SPSB1: variants seen among roughly 807,000 people sequenced by gnomAD.
SPSB1 encodes splA/ryanodine receptor domain and SOCS box containing 1.
In SPSB1, 8 loss-of-function variants were observed where a neutral mutation model predicts 21.2. That is an observed-to-expected ratio of 0.38 (90% CI 0.22 to 0.68). The LOEUF is 0.68. SPSB1 is among the 30% of genes least tolerant of loss of function. The probability of loss-of-function intolerance (pLI) is 0.53; values close to 1 mark genes in which losing one functional copy is unlikely to be tolerated. For synonymous variants in SPSB1, 169 were observed against 161.7 expected (o/e 1.05, Z -0.34); for missense variants, 242 against 377.8 (o/e 0.64, Z 2.98).
chr1:9,352,747 C>G (rs1039923221), intron 1 of SPSB1, among the ~76,000 whole-genome samples: 1 of 151,822 alleles, frequency 6.6e-6, no homozygotes, highest in Non-Finnish European at 1.5e-5. Flanking sequence ...GCCTCTTCCC[C>G]CCTCAACCTC....
chr1:9,367,316 C>T lies in SPSB1; in HGVS notation c.695-132C>T, dbSNP rs1415772619. On this transcript the variant is annotated intron_variant, in intron 2 of 2. Transcript: ENST00000328089. This position sits in a 1 kb window ranked among gnomAD's most constrained non-coding sequence, Gnocchi z 5.9. The stretch of plus-strand genomic sequence containing the variant: ...ACATGCTAAATTTAAAATGAAAAAG[C>T]ATTGCATTTTTCATTGTTTCTTTAC... The T allele has an allele frequency of 1.4e-5, 21 of 1,509,864 alleles. No homozygotes were observed. The highest frequency in any genetic ancestry group is 1.2e-4 in the South Asian group (10 of 86,916). The allele number at this position is 1,509,864 out of a possible 1,614,324, so 93.5% of individuals were successfully genotyped here. A position where few individuals can be genotyped will look rare whatever the true frequency, so the allele number is the denominator to read the frequency against.
At chr1:9,347,934 T>C (rs1402205004) in intron 1 of SPSB1, among the ~76,000 whole-genome samples, 1 of 143,182 alleles carries the variant, frequency 7.0e-6, no homozygotes, top group Non-Finnish European at 1.5e-5. Flanking sequence ...CTTTGCAGTT[T>C]CCCTGCAACT....
chr1:9,324,831 T>G lies in SPSB1; in HGVS notation c.-149-30912T>G, dbSNP rs781661166. Among the ~76,000 whole-genome samples the G allele has an allele frequency of 1.3e-5, 2 of 152,208 alleles. No individual in the cohort carries two copies. The highest frequency in any genetic ancestry group is 1.3e-4 in the Admixed American group (2 of 15,286). The stretch of plus-strand genomic sequence containing the variant: ...CAACACTGGGCCAGACAGTCGTGTT[T>G]GCGACAAGTCTGTTCGCCTGGCCGT... On this transcript the variant is annotated intron_variant, in intron 1 of 2. Coordinates refer to ENST00000328089, the MANE Select transcript of SPSB1 (RefSeq NM_025106.4). This position sits in a 1 kb window ranked among gnomAD's most constrained non-coding sequence, Gnocchi z 4.3.
chr1:9,353,188 A>G (rs561999743), intron 1 of SPSB1, among the ~76,000 whole-genome samples: 1 of 151,598 alleles, frequency 6.6e-6, no homozygotes, highest in African/African-American at 2.4e-5. Context: ...GAGCCGCCTC[A>G]GCCCGCCCGG....
chr1:9,354,038 G>A (rs1328969689), intron 1 of SPSB1, among the ~76,000 whole-genome samples: 1 of 152,190 alleles, frequency 6.6e-6, no homozygotes, highest in East Asian at 1.9e-4. Flanking sequence ...GGTTCTGCCA[G>A]GACCAAACTT....
intron 1 of SPSB1, among the ~76,000 whole-genome samples, chr1:9,342,429 C>T (rs372326853): frequency 7.9e-5 from 12 of 152,226 alleles, no homozygotes; most frequent in East Asian, 1.9e-4. Flanking sequence ...CAGCGTCAAC[C>T]GTGGGAGAGC....
chr1:9,310,441 C>T (rs1639498304), intron 1 of SPSB1, among the ~76,000 whole-genome samples: 1 of 152,128 alleles, frequency 6.6e-6, no homozygotes, highest in Admixed American at 6.6e-5. Context: ...GCCTGTAATC[C>T]CAGCACTTTG....
At chr1:9,338,123 C>A (rs1384129406) in intron 1 of SPSB1, among the ~76,000 whole-genome samples, 1 of 152,228 alleles carries the variant, frequency 6.6e-6, no homozygotes, top group Non-Finnish European at 1.5e-5. Flanking sequence ...TCTCTCCCTG[C>A]AGGTCCCCTG....
chr1:9,341,250 A>G (rs1640087116), intron 1 of SPSB1, among the ~76,000 whole-genome samples: 1 of 152,188 alleles, frequency 6.6e-6, no homozygotes. Flanking sequence ...ACTCCCCACC[A>G]GGGCACTGCA....
chr1:9,357,877 C>T (rs1453661053), intron 2 of SPSB1, among the ~76,000 whole-genome samples: 1 of 152,168 alleles, frequency 6.6e-6, no homozygotes, highest in African/African-American at 2.4e-5. Flanking sequence ...CTGCATGAGT[C>T]CCTTCTACCG....
chr1:9,313,650 C>T (rs2100473671), intron 1 of SPSB1, among the ~76,000 whole-genome samples: 1 of 152,204 alleles, frequency 6.6e-6, no homozygotes, highest in East Asian at 1.9e-4. Context: ...AAGGAGAGGG[C>T]ATGGGTGGGT....
intron 2 of SPSB1, among the ~76,000 whole-genome samples, chr1:9,364,323 G>A (rs557958261): frequency 1.3e-4 from 20 of 152,372 alleles, no homozygotes; most frequent in Admixed American, 1.1e-3. Flanking sequence ...ACCTACTCCC[G>A]ACAGCCAGGC....
intron 1 of SPSB1, among the ~76,000 whole-genome samples, chr1:9,342,834 AG>A (rs1230458722): frequency 3.3e-5 from 5 of 152,358 alleles, no homozygotes; most frequent in Admixed American, 3.3e-4. Context: ...GAGGGGGCAG[AG>A]GCCTGGACTG....
At chr1:9,351,353 C>T (rs1273326000) in intron 1 of SPSB1, 2 of 152,242 alleles carry the variant, frequency 1.3e-5, no homozygotes, top group Non-Finnish European at 2.9e-5. Context: ...ACCAGGAAGA[C>T]AGGAGAACAG....
intron 1 of SPSB1, among the ~76,000 whole-genome samples, chr1:9,311,770 G>T (rs934494080): frequency 1.3e-5 from 2 of 152,136 alleles, no homozygotes; most frequent in African/African-American, 4.8e-5. Context: ...ACCACGTTTT[G>T]TGTGTTTGGG....
intron 1 of SPSB1, among the ~76,000 whole-genome samples, chr1:9,297,342 A>G (rs533377094): frequency 6.6e-6 from 1 of 152,296 alleles, no homozygotes; most frequent in South Asian, 2.1e-4. Flanking sequence ...CTGAGTAGGA[A>G]TATAGGATTC....
At chr1:9,344,066 G>A (rs1296147075) in intron 1 of SPSB1, among the ~76,000 whole-genome samples, 1 of 152,214 alleles carries the variant, frequency 6.6e-6, no homozygotes, top group Non-Finnish European at 1.5e-5. Flanking sequence ...GGGATTACAG[G>A]CGTGAGCCAC....
rs142429325 is a variant in SPSB1, at chr1:9,366,997, G to A, written c.695-451G>A. 6.2e-4 allele frequency among the ~76,000 whole-genome samples: 94 copies of A among 152,334 alleles called. 1 individual carries two copies. The highest frequency in any genetic ancestry group is 2.9e-3 in the South Asian group (14 of 4,826). ...GGAAGAGCTGGCTCCCATGTGTTCC[G>A]ACCGACAGGCCCCAATGGCAGCTGC... On this transcript the variant is annotated intron_variant, in intron 2 of 2. Coordinates refer to ENST00000328089, the MANE Select transcript of SPSB1 (RefSeq NM_025106.4).
intron 1 of SPSB1, among the ~76,000 whole-genome samples, chr1:9,325,878 G>A (rs762562280): frequency 2.0e-5 from 3 of 152,190 alleles, no homozygotes; most frequent in Non-Finnish European, 4.4e-5. Flanking sequence ...TGTGCCCAGA[G>A]CCAGGCAGAG....
Sources: gnomAD v4.1 joint callset for allele counts (sites outside exome capture counted in the v4.1 genomes callset) on GRCh38, gnomAD v4.1.1 for gene constraint, Gnocchi (gnomAD v3.1) non-coding constraint, MANE v1.5 for transcripts, NCBI Gene and HGNC (gene_info 2026-07-23, HGNC 2026-07-21) for gene names.